ABHD2: variants seen among roughly 807,000 people sequenced by gnomAD.
ABHD2 encodes monoacylglycerol lipase ABHD2.
A neutral mutation model predicts 48.1 loss-of-function variants in ABHD2; 20 were observed. The ratio of observed to expected loss-of-function variants is 0.42; its 90% CI spans 0.29 to 0.60. The LOEUF is 0.60. Among genes scored for constraint, ABHD2 ranks in the 20% least tolerant of loss-of-function variants. ABHD2 has a pLI of 0.24. For synonymous variants in ABHD2, 209 were observed against 214.2 expected (o/e 0.98, Z 0.21); for missense variants, 405 against 550.9 (o/e 0.74, Z 2.65).
intron 1 of ABHD2, among the ~76,000 whole-genome samples, chr15:89,103,229 A>G (rs891593553): frequency 3.3e-5 from 5 of 152,226 alleles, no homozygotes; most frequent in African/African-American, 1.2e-4. Flanking sequence ...CAGTTGCTTT[A>G]AAACTAACAT....
chr15:89,139,960 G>A (rs779994529), intron 3 of ABHD2, among the ~76,000 whole-genome samples: 1 of 152,166 alleles, frequency 6.6e-6, no homozygotes, highest in Non-Finnish European at 1.5e-5. Context: ...GAGCAGCCAC[G>A]CAGCAGGTCT....
the ABHD2 span, among the ~76,000 whole-genome samples, chr15:89,052,513 G>A: frequency 7.0e-6 from 1 of 143,040 alleles, no homozygotes; most frequent in African/African-American, 2.6e-5. Flanking sequence ...AGGAGGGTTT[G>A]GACCCAGAGA....
At chr15:89,136,467 C>G (rs1365069407) in intron 3 of ABHD2, 4 of 460,800 alleles carry the variant, frequency 8.7e-6, no homozygotes, top group African/African-American at 8.1e-5. Context: ...CATTTTCTCT[C>G]TTGGCTTCTT....
intron 3 of ABHD2, among the ~76,000 whole-genome samples, chr15:89,132,252 T>C (rs1319844184): frequency 6.6e-6 from 1 of 152,172 alleles, no homozygotes; most frequent in Non-Finnish European, 1.5e-5. Flanking sequence ...GGACACTCAG[T>C]TTCTGTCTGT....
At chr15:89,107,108 G>GCAGGTAAAAGAA (rs921895806) in intron 1 of ABHD2, among the ~76,000 whole-genome samples, 1 of 152,174 alleles carries the variant, frequency 6.6e-6, no homozygotes, top group Non-Finnish European at 1.5e-5. Context: ...GGAAGAATGG[G>GCAGGTAAAAGAA]TAGTCTTTCC....
At chr15:89,067,678 C>T in the ABHD2 span, among the ~76,000 whole-genome samples, 1 of 152,182 alleles carries the variant, frequency 6.6e-6, no homozygotes, top group South Asian at 2.1e-4. Flanking sequence ...TTTCCCAATA[C>T]TCAGCTTTTC....
At chr15:89,045,109 A>G in the ABHD2 span, among the ~76,000 whole-genome samples, 1 of 152,206 alleles carries the variant, frequency 6.6e-6, no homozygotes, top group Non-Finnish European at 1.5e-5. Context: ...ATGCAGTTTC[A>G]GCTTTCTACA....
At chr15:89,084,091 C>T (rs564286299), upstream of ABHD2, among the ~76,000 whole-genome samples, 1 of 152,076 alleles carries the variant, frequency 6.6e-6, no homozygotes, top group South Asian at 2.1e-4. The surrounding 1 kb of genome is among the most constrained non-coding windows in gnomAD (Gnocchi z 4.4). Context: ...ATTTCCCTCA[C>T]AGTGATTACA....
the ABHD2 span, among the ~76,000 whole-genome samples, chr15:89,077,863 C>CT: frequency 1.6e-4 from 24 of 152,272 alleles, no homozygotes; most frequent in African/African-American, 5.8e-4. Context: ...CTTCCATTAT[C>CT]TTGTACTGTG....
the ABHD2 span, among the ~76,000 whole-genome samples, chr15:89,067,178 G>A: frequency 6.6e-6 from 1 of 152,210 alleles, no homozygotes; most frequent in Admixed American, 6.5e-5. Flanking sequence ...ATGCTAGTAT[G>A]GAGGCTGCTA....
intron 6 of ABHD2, among the ~76,000 whole-genome samples, chr15:89,181,017 G>A (rs1490719995): frequency 6.6e-6 from 1 of 152,056 alleles, no homozygotes; most frequent in African/African-American, 2.4e-5. Context: ...CACAAGGTCA[G>A]GAGTTTGAGA....
intron 3 of ABHD2, among the ~76,000 whole-genome samples, chr15:89,142,980 T>A (rs543637170): frequency 6.6e-6 from 1 of 152,372 alleles, no homozygotes; most frequent in African/African-American, 2.4e-5. Flanking sequence ...CAAAGTCTGC[T>A]GAGCCAATTC....
upstream of ABHD2, among the ~76,000 whole-genome samples, chr15:89,085,217 C>A (rs370225309): frequency 1.3e-5 from 2 of 152,002 alleles, no homozygotes; most frequent in Non-Finnish European, 2.9e-5. The surrounding 1 kb of genome is among the most constrained non-coding windows in gnomAD (Gnocchi z 4.2). Context: ...GGGGCATACC[C>A]TCTCCCTTGT....
rs1025265056 is a variant in ABHD2 at position 89,186,051 on chromosome 15, A to G, written c.815+535A>G. 4.6e-5 allele frequency among the ~76,000 whole-genome samples: 7 copies of G among 152,216 alleles called. No homozygotes were observed. The highest frequency in any genetic ancestry group is 1.3e-4 in the Admixed American group (2 of 15,286). ...TATAATTCCCAGTAAATCTAAGACA[A>G]TGAACCACTTCCACACCCTTTTCTC... On this transcript the variant is annotated intron_variant, in intron 7 of 10. Transcript: ENST00000352732. This position sits in a 1 kb window ranked among gnomAD's most constrained non-coding sequence, Gnocchi z 4.3.
chr15:89,048,205 T>C, the ABHD2 span, among the ~76,000 whole-genome samples: 1 of 151,396 alleles, frequency 6.6e-6, no homozygotes, highest in African/African-American at 2.4e-5. Flanking sequence ...ATTCTTTTCT[T>C]TAAGAATGTT....
Position 89,175,702 on chromosome 15 carries a change from T to C in ABHD2, c.539-110T>C. The C allele has an allele frequency of 8.7e-7, 1 of 1,149,584 alleles. No individual in the cohort carries two copies. The highest frequency in any genetic ancestry group is 1.3e-6 in the Non-Finnish European group (1 of 777,402). The allele number at this position is 1,149,584 out of a possible 1,614,324, so 71.2% of individuals were successfully genotyped here. Reference sequence around the variant, plus strand: ...ACACACGTATATATACACATATATATTTCTCTCTCTTTTAGTATACTGGCA... The same window carrying C: ...ACACACGTATATATACACATATATACTTCTCTCTCTTTTAGTATACTGGCA... On this transcript the variant is annotated intron_variant, in intron 5 of 10. Coordinates refer to ENST00000352732, the MANE Select transcript of ABHD2 (RefSeq NM_152924.5). The surrounding 1 kb of genome is among the most constrained non-coding windows in gnomAD (Gnocchi z 5.7).
intron 3 of ABHD2, among the ~76,000 whole-genome samples, chr15:89,142,701 C>T (rs1429411749): frequency 1.3e-5 from 2 of 152,150 alleles, no homozygotes; most frequent in Non-Finnish European, 2.9e-5. Context: ...TCCACAGCCC[C>T]TGAGCCATCA....
At chr15:89,044,139 T>C in the ABHD2 span, among the ~76,000 whole-genome samples, 371 of 152,116 alleles carry the variant, frequency 2.4e-3, 1 homozygote, top group Non-Finnish European at 4.0e-3. Context: ...CACCTATGAG[T>C]GAGAATATGC....
the ABHD2 span, among the ~76,000 whole-genome samples, chr15:89,064,513 C>A: frequency 1.3e-5 from 2 of 152,158 alleles, no homozygotes; most frequent in Non-Finnish European, 2.9e-5. Context: ...CAGGAGTGAG[C>A]TATCGCGCCC....
Sources: allele counts gnomAD v4.1 joint callset (sites outside exome capture counted in the v4.1 genomes callset), GRCh38; gene constraint gnomAD v4.1.1; non-coding constraint Gnocchi (gnomAD v3.1); transcripts MANE v1.5; gene names NCBI Gene and HGNC (gene_info 2026-07-23, HGNC 2026-07-21).